Variants in NUDCD3 observed in about 807,000 individuals in gnomAD.
NUDCD3 encodes NudC domain containing 3, also known as nudC domain-containing protein 3.
NUDCD3 carries 13 observed loss-of-function variants against 39.7 expected under a neutral mutation model. That is an observed-to-expected ratio of 0.33 (90% confidence interval 0.21 to 0.52). The LOEUF is 0.52. Ranked by LOEUF, NUDCD3 falls within the 20% of genes least tolerant of loss-of-function variation. The pLI is 0.96. For synonymous variants in NUDCD3, 175 were observed against 172.4 expected (o/e 1.02, Z -0.12); for missense variants, 453 against 458.1 (o/e 0.99, Z 0.10).
chr7:44,398,663 G>A (rs1200461503), intron 4 of NUDCD3, among the ~76,000 whole-genome samples: 6 of 152,150 alleles, frequency 3.9e-5, no homozygotes, highest in East Asian at 3.9e-4. Flanking sequence ...CCTTAGTAAC[G>A]GAACCTCATT....
chr7:44,393,984 C>T (rs1798571405), intron 4 of NUDCD3, among the ~76,000 whole-genome samples: 1 of 152,208 alleles, frequency 6.6e-6, no homozygotes, highest in Non-Finnish European at 1.5e-5. Flanking sequence ...CACCTCCAAG[C>T]TCCTGCTGCC....
chr7:44,428,207 G>A (rs375811993), intron 2 of NUDCD3, among the ~76,000 whole-genome samples: 26 of 151,302 alleles, frequency 1.7e-4, no homozygotes, highest in Admixed American at 1.4e-3. Context: ...GGCCAAGGGC[G>A]GGTGAATCAC....
rs2116874430 is a variant in NUDCD3, at chr7:44,404,482, A to G, written c.744T>C (p.Thr248=). ...GCTCGAGACTCCAGAGAGAACTCTC[A>G]GTGTTGATCTTGTGGGTGAGCTTCC... ...MEGKLTHKIN[T]ESSLWSLEPG... is the part of the protein sequence containing the mutation. Residue 248 remains threonine, a synonymous_variant, in exon 4 of 6, where the codon ACT becomes ACC. Transcript: ENST00000355451. 1.2e-6 allele frequency: 2 copies of G among 1,614,102 alleles called. No homozygotes were observed. The highest frequency in any genetic ancestry group is 1.7e-6 in the Non-Finnish European group (2 of 1,179,986).
chr7:44,429,942 C>G (rs1290108044), intron 2 of NUDCD3, among the ~76,000 whole-genome samples: 1 of 152,112 alleles, frequency 6.6e-6, no homozygotes, highest in African/African-American at 2.4e-5. Context: ...TTCAATATAC[C>G]ATAAAACTGA....
chr7:44,386,910 A>C (rs193219624), intron 5 of NUDCD3, among the ~76,000 whole-genome samples: 1 of 152,154 alleles, frequency 6.6e-6, no homozygotes, highest in East Asian at 1.9e-4. Context: ...AAGGGACTCT[A>C]TATCTGCCCT....
chr7:44,453,238 G>A (rs916301375), intron 2 of NUDCD3, among the ~76,000 whole-genome samples: 37 of 151,982 alleles, frequency 2.4e-4, no homozygotes, highest in Non-Finnish European at 3.8e-4. Flanking sequence ...CTGTAATCCC[G>A]GCTACTCAGG....
chr7:44,426,481 A>G (rs1050572785), intron 3 of NUDCD3, among the ~76,000 whole-genome samples: 13 of 152,110 alleles, frequency 8.5e-5, no homozygotes, highest in Admixed American at 1.3e-4. Context: ...CATGCCACCT[A>G]TGTGAATGGA....
rs566386377 is a variant in NUDCD3 at position 44,444,518 on chromosome 7, G to A, written c.510-16815C>T. On this transcript the variant is annotated intron_variant, in intron 2 of 5. Coordinates refer to ENST00000355451, the MANE Select transcript of NUDCD3 (RefSeq NM_015332.4). ...AAAGAGAAAACCTCAACAAACTCGA[G>A]TTTGCTATTTAATAGAATCTTACAC... Among the ~76,000 whole-genome samples the A allele has an allele frequency of 2.0e-5, 3 of 152,282 alleles. No individual in the cohort carries two copies. The East Asian group carries it at 5.8e-4, about 29-fold the overall frequency.
At chr7:44,393,013 C>T (rs1798548678) in intron 4 of NUDCD3, among the ~76,000 whole-genome samples, 1 of 152,128 alleles carries the variant, frequency 6.6e-6, no homozygotes, top group African/African-American at 2.4e-5. Context: ...AAGCTGGGAC[C>T]TATGAGACTT....
rs143646498 is a variant in NUDCD3 at position 44,417,022 on chromosome 7, G to A, written c.642+10549C>T. On this transcript the variant is annotated intron_variant, in intron 3 of 5. Transcript: ENST00000355451. ...AACCACCCACTTTTAGGTTCTATACGGCACCTGCCTCCATCTTGCTCATTT... is the reference window on the plus strand; with the variant it reads ...AACCACCCACTTTTAGGTTCTATACAGCACCTGCCTCCATCTTGCTCATTT... Among the ~76,000 whole-genome samples, 7 of 152,240 alleles carry A rather than the reference G, an allele frequency of 4.6e-5. No individual in the cohort carries two copies. In the East Asian group the frequency reaches 9.6e-4, roughly 21 times the overall value.
rs1413613839 is a variant in NUDCD3, at chr7:44,453,352, C to CA, written c.510-25650dup. ...TAGGCGACAGAGTGAGACTTCATCTCAAAAAAATAAATAAATAAATAAATA... is the reference window on the plus strand; with the variant it reads ...TAGGCGACAGAGTGAGACTTCATCTCAAAAAAAATAAATAAATAAATAAATA... On this transcript the variant is annotated intron_variant, in intron 2 of 5. Coordinates refer to ENST00000355451, the MANE Select transcript of NUDCD3 (RefSeq NM_015332.4). Among the ~76,000 whole-genome samples, 823 of 150,742 alleles carry CA rather than the reference C, an allele frequency of 5.5e-3. 5 individuals carry two copies. The highest frequency in any genetic ancestry group is 0.019 in the African/African-American group (782 of 40,868).
intron 3 of NUDCD3, among the ~76,000 whole-genome samples, chr7:44,411,167 A>G (rs1798916925): frequency 6.6e-6 from 1 of 152,230 alleles, no homozygotes; most frequent in African/African-American, 2.4e-5. Context: ...TAAATTTTTT[A>G]AACTCAAAAT....
chr7:44,400,967 T>A (rs1798711309), intron 4 of NUDCD3, among the ~76,000 whole-genome samples: 1 of 152,212 alleles, frequency 6.6e-6, no homozygotes. Context: ...ACTCACTTTC[T>A]TTAGCCATTC....
chr7:44,456,378 A>G (rs779519768), intron 2 of NUDCD3, among the ~76,000 whole-genome samples: 1 of 152,246 alleles, frequency 6.6e-6, no homozygotes, highest in Non-Finnish European at 1.5e-5. Flanking sequence ...CTTCAGCTTT[A>G]AAGGCCGAGC....
chr7:44,386,097 C>T lies in NUDCD3; in HGVS notation c.1000G>A (p.Gly334Arg), dbSNP rs1295602374. 10 of 1,614,016 alleles carry T rather than the reference C, an allele frequency of 6.2e-6. No homozygotes were observed. The highest frequency in any genetic ancestry group is 8.5e-6 in the Non-Finnish European group (10 of 1,180,002). The change falls in exon 6 of 6, where the codon GGG becomes AGG. Residue 334 changes from glycine (G) to arginine (R), a missense_variant. Transcript: ENST00000355451. ...ELKVHEMLKK[G>R]WDAEGSPFRG... ...AAGGGAGAACCTTCAGCATCCCACC[C>T]CTTCTTCAGCATCTCATGGACTTTC...
rs1798369059 is a variant in NUDCD3 at position 44,384,618 on chromosome 7, G to T, written c.*1393C>A. 1 of 152,246 alleles carries T rather than the reference G, an allele frequency of 6.6e-6. No individual in the cohort carries two copies. The highest frequency in any genetic ancestry group is 1.5e-5 in the Non-Finnish European group (1 of 68,058). The allele number at this position is 152,246 out of a possible 1,614,324, so 9.4% of individuals were successfully genotyped here. On this transcript the variant is annotated 3_prime_UTR_variant, in exon 6 of 6. Transcript: ENST00000355451. ...CCCACAACCCAAGTATCCATAGAGAGTGTGCAGGAGCGGGGACCTTCCCCT... is the reference window on the plus strand; with the variant it reads ...CCCACAACCCAAGTATCCATAGAGATTGTGCAGGAGCGGGGACCTTCCCCT...
At chr7:44,483,229 CA>C (rs1382339113) in intron 2 of NUDCD3, among the ~76,000 whole-genome samples, 3 of 151,988 alleles carry the variant, frequency 2.0e-5, no homozygotes, top group Non-Finnish European at 4.4e-5. Flanking sequence ...ATTTCACACA[CA>C]GGGGAACAAA....
intron 2 of NUDCD3, among the ~76,000 whole-genome samples, chr7:44,458,007 T>C (rs1799936570): frequency 6.6e-6 from 1 of 152,214 alleles, no homozygotes; most frequent in Admixed American, 6.5e-5. Context: ...TGAACATATA[T>C]GTCTACACAA....
rs148857079 is a variant in NUDCD3 at position 44,448,919 on chromosome 7, G to C, written c.510-21216C>G. Among the ~76,000 whole-genome samples the C allele has an allele frequency of 8.9e-4, 136 of 152,342 alleles. 1 individual carries two copies. Among genetic ancestry groups the C allele is most frequent in the Middle Eastern group, 6.8e-3 (2 of 294 alleles). ...AAGCAAGAAGGGAAGAAGGTGCCCT[G>C]AGCTTGGGCAATGAGGAAAATGGTA... is the stretch of plus-strand genomic sequence containing the variant. On this transcript the variant is annotated intron_variant, in intron 2 of 5. Coordinates refer to ENST00000355451, the MANE Select transcript of NUDCD3 (RefSeq NM_015332.4).
Sources: allele counts gnomAD v4.1 joint callset (sites outside exome capture counted in the v4.1 genomes callset), GRCh38; gene constraint gnomAD v4.1.1; transcripts MANE v1.5; gene names NCBI Gene and HGNC (gene_info 2026-07-23, HGNC 2026-07-21).